The following CNTN1 variants were observed in gnomAD, a reference collection of about 807,000 sequenced individuals.
CNTN1 encodes the protein contactin-1.
A neutral mutation model predicts 126.4 loss-of-function variants in CNTN1; 38 were observed. That is an observed-to-expected ratio of 0.30 (90% CI 0.23 to 0.39). The LOEUF is 0.39. CNTN1 is among the 10% of genes least tolerant of loss of function. The probability of loss-of-function intolerance (pLI) is 1.00; values close to 1 mark genes in which losing one functional copy is unlikely to be tolerated. For synonymous variants in CNTN1, 413 were observed against 422.6 expected (o/e 0.98, Z 0.28); for missense variants, 1,009 against 1,248.4 (o/e 0.81, Z 2.89).
chr12:41,032,601 G>T (rs1333896554), intron 23 of CNTN1, among the ~76,000 whole-genome samples: 2 of 152,080 alleles, frequency 1.3e-5, no homozygotes. Flanking sequence ...CTGGATCTTG[G>T]CATGTTAGTT....
intron 15 of CNTN1, among the ~76,000 whole-genome samples, chr12:40,979,439 A>G (rs1947764907): frequency 6.6e-6 from 1 of 152,130 alleles, no homozygotes; most frequent in Admixed American, 6.6e-5. Flanking sequence ...ATATAAATAT[A>G]AAGGTATATA....
At chr12:40,919,591 A>G (rs1945362516) in intron 4 of CNTN1, among the ~76,000 whole-genome samples, 1 of 152,158 alleles carries the variant, frequency 6.6e-6, no homozygotes, top group Admixed American at 6.6e-5. Context: ...GTTAATTTTA[A>G]TATTTTTTCC....
At chr12:40,873,971 G>A (rs1456960430) in intron 1 of CNTN1, among the ~76,000 whole-genome samples, 1 of 152,090 alleles carries the variant, frequency 6.6e-6, no homozygotes, top group African/African-American at 2.4e-5. Flanking sequence ...AGCACAGGGA[G>A]CTGACCTTGA....
At chr12:40,868,514 G>T (rs1306023852) in intron 1 of CNTN1, among the ~76,000 whole-genome samples, 1 of 152,040 alleles carries the variant, frequency 6.6e-6, no homozygotes, top group East Asian at 1.9e-4. Flanking sequence ...GGTAATTAAG[G>T]ATGCTGAAAA....
intron 23 of CNTN1, among the ~76,000 whole-genome samples, chr12:41,063,450 A>G (rs1179939306): frequency 6.6e-6 from 1 of 152,172 alleles, no homozygotes; most frequent in African/African-American, 2.4e-5. Flanking sequence ...GGAGATACTG[A>G]TTATCCTCTG....
chr12:40,897,180 G>A (rs900234560), intron 1 of CNTN1, among the ~76,000 whole-genome samples: 2 of 152,144 alleles, frequency 1.3e-5, no homozygotes, highest in Non-Finnish European at 2.9e-5. Context: ...GAGTCAGAGA[G>A]TATAGTAAGA....
At chr12:40,940,109 T>A (rs1946215821) in intron 12 of CNTN1, among the ~76,000 whole-genome samples, 1 of 151,888 alleles carries the variant, frequency 6.6e-6, no homozygotes, top group African/African-American at 2.4e-5. Flanking sequence ...TAATATTGAG[T>A]GCAAAAATTA....
chr12:41,007,046 T>C (rs1466076974), intron 17 of CNTN1, among the ~76,000 whole-genome samples: 2 of 7,072 alleles, frequency 2.8e-4, no homozygotes, highest in African/African-American at 1.5e-3. Flanking sequence ...TTTTGTGTGG[T>C]TTTTTTTTTT....
At chr12:40,776,833 C>T (rs1939597751) in intron 1 of CNTN1, among the ~76,000 whole-genome samples, 1 of 151,740 alleles carries the variant, frequency 6.6e-6, no homozygotes, top group Non-Finnish European at 1.5e-5. Context: ...ACTTAAGAAA[C>T]TCTTTTCATT....
intron 1 of CNTN1, among the ~76,000 whole-genome samples, chr12:40,856,321 G>T (rs1356694581): frequency 6.6e-6 from 1 of 152,006 alleles, no homozygotes; most frequent in Non-Finnish European, 1.5e-5. Context: ...AGAAATATAA[G>T]GTGAAAAACT....
chr12:40,826,186 G>A (rs1941608795), intron 1 of CNTN1, among the ~76,000 whole-genome samples: 1 of 151,962 alleles, frequency 6.6e-6, no homozygotes, highest in Admixed American at 6.6e-5. Flanking sequence ...ATATAACCTT[G>A]TACCTAATAA....
chr12:40,802,810 T>C (rs955718050), intron 1 of CNTN1, among the ~76,000 whole-genome samples: 14 of 152,008 alleles, frequency 9.2e-5, no homozygotes, highest in Non-Finnish European at 1.5e-4. Flanking sequence ...GATATTATCA[T>C]TCTTGGCACT....
intron 1 of CNTN1, among the ~76,000 whole-genome samples, chr12:40,769,690 T>C (rs1592066973): frequency 1.3e-5 from 2 of 152,294 alleles, no homozygotes; most frequent in South Asian, 4.1e-4. Flanking sequence ...CTTTAGGATA[T>C]TGCATTAAAA....
At position 41,014,249 on chromosome 12, in the gene CNTN1, A is replaced by C. The variant is rs1433981928; in HGVS notation, c.2135A>C (p.Asp712Ala). 2 of 1,613,936 alleles carry C rather than the reference A, an allele frequency of 1.2e-6. No homozygotes were observed. Among genetic ancestry groups the C allele is most frequent in the Non-Finnish European group, 1.7e-6 (2 of 1,179,866 alleles). The change falls in exon 18 of 24, where the codon GAT (aspartate) becomes GCT (alanine). Residue 712 changes from aspartate (D) to alanine (A), a missense_variant. Transcript: ENST00000551295. ...DGAAPNVAPS[D>A]VGGGGGRNRE... The stretch of plus-strand genomic sequence containing the variant: ...TCAGCACCAAATGTGGCTCCTTCAG[A>C]TGTAGGAGGTGGAGGTGGAAGAAAC...
At chr12:40,793,497 AT>A (rs1940298813) in intron 1 of CNTN1, among the ~76,000 whole-genome samples, 2 of 151,836 alleles carry the variant, frequency 1.3e-5, no homozygotes, top group Non-Finnish European at 2.9e-5. Flanking sequence ...TGTATATGTA[AT>A]GTGGAACCAG....
At chr12:40,903,032 GT>G (rs1211554697) in intron 1 of CNTN1, among the ~76,000 whole-genome samples, 1 of 152,224 alleles carries the variant, frequency 6.6e-6, no homozygotes, top group Non-Finnish European at 1.5e-5. Flanking sequence ...AAGTGCTGTT[GT>G]TTTAAAATAT....
intron 1 of CNTN1, among the ~76,000 whole-genome samples, chr12:40,703,967 A>C (rs988113646): frequency 3.3e-5 from 5 of 152,196 alleles, no homozygotes; most frequent in African/African-American, 1.2e-4. Flanking sequence ...GGGTGCCAAC[A>C]TGCTAGGGGA....
chr12:40,709,338 G>A (rs1166775609), intron 1 of CNTN1, among the ~76,000 whole-genome samples: 5 of 152,188 alleles, frequency 3.3e-5, no homozygotes. Flanking sequence ...AAACCATGCT[G>A]TAAACAGATA....
chr12:40,695,123 A>T (rs1391947349), intron 1 of CNTN1, among the ~76,000 whole-genome samples: 2 of 152,230 alleles, frequency 1.3e-5, no homozygotes, highest in Non-Finnish European at 2.9e-5. Flanking sequence ...ATTAGGAAGT[A>T]CTTTGCAGAA....
Sources: allele counts gnomAD v4.1 joint callset (sites outside exome capture counted in the v4.1 genomes callset), GRCh38; gene constraint gnomAD v4.1.1; transcripts MANE v1.5; gene names NCBI Gene and HGNC (gene_info 2026-07-23, HGNC 2026-07-21).